The following ATG16L1 variants were observed in gnomAD, a reference collection of about 807,000 sequenced individuals.
ATG16L1 encodes the protein autophagy related 16 like 1.
A neutral mutation model predicts 88.5 loss-of-function variants in ATG16L1; 37 were observed. The ratio of observed to expected loss-of-function variants is 0.42; its 90% confidence interval spans 0.32 to 0.55. ATG16L1 has a LOEUF of 0.55. Among genes scored for constraint, ATG16L1 ranks in the 20% least tolerant of loss-of-function variants. ATG16L1 has a pLI of 0.13. For missense variants in ATG16L1, 554 were observed against 752.8 expected, an observed-to-expected ratio of 0.74 and a Z score of 3.09; for synonymous variants, 301 against 281.0, an observed-to-expected ratio of 1.07 and a Z score of -0.71.
chr2:233,266,051 G>A (rs1230747651), intron 5 of ATG16L1: 1 of 152,160 alleles, frequency 6.6e-6, no homozygotes, highest in Admixed American at 6.5e-5. Context: ...AGAGAACACC[G>A]ATCTGGATGT....
intron 4 of ATG16L1, 78 bp downstream of exon 4, chr2:233,264,143 G>A: frequency 6.9e-7 from 1 of 1,452,160 alleles, no homozygotes. Flanking sequence ...TTGTGAGCAG[G>A]GCCAGTGGCA....
rs946324615 is a variant in ATG16L1 at position 233,277,469 on chromosome 2, A to G, written c.955-99A>G. 49 of 1,070,070 alleles carry G rather than the reference A, an allele frequency of 4.6e-5. No individual in the cohort carries two copies. In the African/African-American group the frequency reaches 7.0e-4, roughly 15 times the overall value. The allele number at this position is 1,070,070 out of a possible 1,614,324, so 66.3% of individuals were successfully genotyped here. A position where few individuals can be genotyped will look rare whatever the true frequency, so the allele number is the denominator to read the frequency against. ...TGATTGGCTCCACCTGTCTTTAAGG[A>G]TGAGTGTTTCCCCATGAATTAGGCA... On this transcript the variant is annotated intron_variant, in intron 9 of 17. Transcript: ENST00000392017.
At chr2:233,266,928 G>C (rs1697639785) in intron 5 of ATG16L1, among the ~76,000 whole-genome samples, 1 of 152,230 alleles carries the variant, frequency 6.6e-6, no homozygotes, top group South Asian at 2.1e-4. Flanking sequence ...AAAGAAAAAT[G>C]TTCTCCTAGA....
chr2:233,281,496 A>G (rs1468365654), intron 11 of ATG16L1, among the ~76,000 whole-genome samples: 1 of 152,148 alleles, frequency 6.6e-6, no homozygotes, highest in African/African-American at 2.4e-5. Context: ...TCGCCATCTA[A>G]ATGAGAGTGA....
At chr2:233,256,609 A>G (rs1696792559) in intron 2 of ATG16L1, among the ~76,000 whole-genome samples, 1 of 151,572 alleles carries the variant, frequency 6.6e-6, no homozygotes, top group Admixed American at 6.6e-5. Flanking sequence ...GTATGGGTCT[A>G]TTTGATCCTT....
intron 5 of ATG16L1, among the ~76,000 whole-genome samples, chr2:233,267,191 A>G (rs1697662643): frequency 6.6e-6 from 1 of 152,216 alleles, no homozygotes. Context: ...TCTAATAAAA[A>G]TACGAAAATT....
intron 9 of ATG16L1, among the ~76,000 whole-genome samples, chr2:233,276,249 A>G (rs901407007): frequency 1.3e-5 from 2 of 152,160 alleles, no homozygotes; most frequent in South Asian, 4.1e-4. Context: ...GTGACCTTTT[A>G]GACAAGTGAT....
chr2:233,274,997 C>T (rs1228767390), intron 9 of ATG16L1, among the ~76,000 whole-genome samples: 2 of 152,050 alleles, frequency 1.3e-5, no homozygotes, highest in African/African-American at 2.4e-5. Context: ...GCAGAGCTGA[C>T]TGAGAAAGGA....
At position 233,274,865 on chromosome 2, in the gene ATG16L1, A is replaced by G. The variant is rs1698241258; in HGVS notation, c.954+87A>G. The G allele has an allele frequency of 4.2e-5, 38 of 908,522 alleles. 3 individuals are homozygous for G. The South Asian group carries it at 5.4e-4, about 13-fold the overall frequency. 56.3% of individuals were successfully genotyped at this position (908,522 alleles called of 1,614,324 possible). A position where few individuals can be genotyped will look rare whatever the true frequency, so the allele number is the denominator to read the frequency against. On this transcript the variant is annotated intron_variant, in intron 9 of 17. Transcript: ENST00000392017. ...AAGGGTCCTTTCTAGGCCTGCAGCT[A>G]AGCATTCCATTGTTTTACTTATATC...
At position 233,289,408 on chromosome 2, in the gene ATG16L1, T is replaced by TGTGTGTGTGTGTGTGTGTGAGAGAGA. The variant is rs144316394; in HGVS notation, c.1204-445_1204-444insTGTGTGTGTGTGTGTGTGAGAGAGAG. 4.5e-3 allele frequency among the ~76,000 whole-genome samples: 675 copies of TGTGTGTGTGTGTGTGTGTGAGAGAGA among 149,620 alleles called. 9 individuals are homozygous for TGTGTGTGTGTGTGTGTGTGAGAGAGA. The highest frequency in any genetic ancestry group is 6.9e-3 in the African/African-American group (276 of 40,238). On this transcript the variant is annotated intron_variant, in intron 12 of 17. Coordinates refer to ENST00000392017, the MANE Select transcript of ATG16L1 (RefSeq NM_030803.7). ...GTGTGTGTGTGTGTGTGTGTGTGTG[T>TGTGTGTGTGTGTGTGTGTGAGAGAGA]GACAGGATCTTGCTATCACTCAGGT...
chr2:233,268,107 T>C (rs2125235330), intron 5 of ATG16L1, among the ~76,000 whole-genome samples: 1 of 152,292 alleles, frequency 6.6e-6, no homozygotes, highest in Non-Finnish European at 1.5e-5. Context: ...ACACTCTGCC[T>C]CCTTCCCTTA....
intron 8 of ATG16L1, 29 bp downstream of exon 8, chr2:233,273,806 T>G: frequency 6.2e-7 from 1 of 1,602,988 alleles, no homozygotes; most frequent in Non-Finnish European, 8.5e-7. Context: ...CCTTTTTAAA[T>G]GTGTATAAGT....
chr2:233,292,797 G>T (rs1232972769), intron 16 of ATG16L1, among the ~76,000 whole-genome samples: 1 of 152,216 alleles, frequency 6.6e-6, no homozygotes, highest in Non-Finnish European at 1.5e-5. Context: ...TTTTGGAGAA[G>T]GGTGTGCAGG....
chr2:233,282,877 C>G, intron 12 of ATG16L1, 124 bp downstream of exon 12: 3 of 759,680 alleles, frequency 3.9e-6, no homozygotes, highest in African/African-American at 3.5e-5. Context: ...ATTCACCCTG[C>G]CCTTCCTTTC....
In ATG16L1 at chr2:233,294,346, A is replaced by G. The variant is rs1699671471; in HGVS notation, c.1820A>G (p.Tyr607Cys). ...TGCAAAGCTGTGCTGTGGGCACAGTACTGACGGGGCTCTCAGGGCTGGGAG... is the reference window on the plus strand; with the variant it reads ...TGCAAAGCTGTGCTGTGGGCACAGTGCTGACGGGGCTCTCAGGGCTGGGAG... ...KGCKAVLWAQ[Y>C] Residue 607 changes from tyrosine to cysteine, a missense_variant, in exon 18 of 18, where the codon TAC becomes TGC. Coordinates refer to ENST00000392017, the MANE Select transcript of ATG16L1 (RefSeq NM_030803.7). 6 of 1,613,290 alleles carry G rather than the reference A, an allele frequency of 3.7e-6. No individual in the cohort carries two copies. Among genetic ancestry groups the G allele is most frequent in the Non-Finnish European group, 5.1e-6 (6 of 1,179,582 alleles).
In ATG16L1 at chr2:233,295,069, T is replaced by G. The variant is rs373446242; in HGVS notation, c.*719T>G. On this transcript the variant is annotated 3_prime_UTR_variant, in exon 18 of 18. Coordinates refer to ENST00000392017, the MANE Select transcript of ATG16L1 (RefSeq NM_030803.7). ...AATGGGTTCGCTGCAGAGGTAAGGA[T>G]GTGTTCCTGTATCGATCTGCAGACA... 3.3e-5 allele frequency: 5 copies of G among 152,496 alleles called. No individual in the cohort carries two copies. The highest frequency in any genetic ancestry group is 1.3e-4 in the Admixed American group (2 of 15,280). 9.4% of individuals were successfully genotyped at this position (152,496 alleles called of 1,614,324 possible).
chr2:233,273,063 A>G lies in ATG16L1; in HGVS notation c.794+11A>G. The G allele has an allele frequency of 1.2e-6, 2 of 1,612,592 alleles. No homozygotes were observed. Among genetic ancestry groups the G allele is most frequent in the Non-Finnish European group, 1.7e-6 (2 of 1,178,604 alleles). ...CAGCAGAGCAGCCACGTAAGTAGGCAGGTTTGGGCCAGGGAAAAGACAGCT... is the reference window on the plus strand; with the variant it reads ...CAGCAGAGCAGCCACGTAAGTAGGCGGGTTTGGGCCAGGGAAAAGACAGCT... On this transcript the variant is annotated intron_variant, in intron 7 of 17. Coordinates refer to ENST00000392017, the MANE Select transcript of ATG16L1 (RefSeq NM_030803.7).
intron 2 of ATG16L1, among the ~76,000 whole-genome samples, chr2:233,257,619 C>G (rs976705004): frequency 9.2e-5 from 14 of 152,146 alleles, no homozygotes; most frequent in African/African-American, 3.4e-4. Flanking sequence ...GACATAGCCT[C>G]AGTAAGTAGA....
At chr2:233,263,049 C>A in intron 2 of ATG16L1, 81 bp from the exon 3 acceptor site, 1 of 1,196,500 alleles carries the variant, frequency 8.4e-7, no homozygotes, top group Non-Finnish European at 1.2e-6. Context: ...GTTTCATTGC[C>A]TAATTGGAAA....
Sources: allele counts gnomAD v4.1 joint callset (sites outside exome capture counted in the v4.1 genomes callset), GRCh38; gene constraint gnomAD v4.1.1; transcripts MANE v1.5; gene names NCBI Gene and HGNC (gene_info 2026-07-23, HGNC 2026-07-21).